Variants in PTPRM observed in about 807,000 individuals in gnomAD.
PTPRM encodes receptor-type tyrosine-protein phosphatase mu.
PTPRM carries 47 observed loss-of-function variants against 186.7 expected under a neutral mutation model. The observed-to-expected ratio is 0.25, with a 90% confidence interval of 0.20 to 0.32. PTPRM has a LOEUF of 0.32. PTPRM is among the 10% of genes least tolerant of loss of function. The pLI, the probability that PTPRM is intolerant of heterozygous loss-of-function variation, is 1.00. For missense variants in PTPRM, 1,494 were observed against 1,865.0 expected (o/e 0.80, Z 3.66); for synonymous variants, 668 against 674.9 (o/e 0.99, Z 0.16).
At chr18:8,388,842 T>G (rs1407725324) in intron 31 of PTPRM, among the ~76,000 whole-genome samples, 1 of 152,022 alleles carries the variant, frequency 6.6e-6, no homozygotes, top group Non-Finnish European at 1.5e-5. Flanking sequence ...GCACCTGTAG[T>G]CCCAGCTACT....
At chr18:8,065,347 C>T (rs1032338216) in intron 7 of PTPRM, among the ~76,000 whole-genome samples, 2 of 152,138 alleles carry the variant, frequency 1.3e-5, no homozygotes, top group Non-Finnish European at 2.9e-5. Flanking sequence ...TGGGCTTGCT[C>T]GTCCCTTAGG....
chr18:7,798,863 A>G (rs1207828447), intron 2 of PTPRM, among the ~76,000 whole-genome samples: 2 of 152,204 alleles, frequency 1.3e-5, no homozygotes, highest in Non-Finnish European at 2.9e-5. Flanking sequence ...ACACATAAAC[A>G]TATACCTATA....
At chr18:7,836,808 C>T (rs1005819330) in intron 2 of PTPRM, among the ~76,000 whole-genome samples, 1 of 152,150 alleles carries the variant, frequency 6.6e-6, no homozygotes, top group African/African-American at 2.4e-5. Context: ...TCAAATATGT[C>T]ATGCTACTTG....
At chr18:7,796,827 G>T (rs2043683798) in intron 2 of PTPRM, among the ~76,000 whole-genome samples, 1 of 152,218 alleles carries the variant, frequency 6.6e-6, no homozygotes, top group East Asian at 1.9e-4. Flanking sequence ...GTGGTGCACT[G>T]AGCCTGAGCA....
intron 1 of PTPRM, among the ~76,000 whole-genome samples, chr18:7,742,344 G>A (rs1054591713): frequency 1.3e-5 from 2 of 152,132 alleles, no homozygotes; most frequent in South Asian, 4.1e-4. Context: ...TTTCTTTTAT[G>A]GTGACTAGGC....
intron 3 of PTPRM, among the ~76,000 whole-genome samples, chr18:7,896,510 G>A (rs898317892): frequency 6.7e-6 from 1 of 148,196 alleles, no homozygotes; most frequent in African/African-American, 2.5e-5. Flanking sequence ...GCTTTAAAAA[G>A]AGAAACAATG....
chr18:7,737,480 G>A (rs1217975237), intron 1 of PTPRM, among the ~76,000 whole-genome samples: 1 of 152,218 alleles, frequency 6.6e-6, no homozygotes, highest in Non-Finnish European at 1.5e-5. Context: ...CCGTCTACCT[G>A]TTTGTTTTTC....
At chr18:7,853,272 GT>G (rs981581194) in intron 2 of PTPRM, among the ~76,000 whole-genome samples, 1 of 152,188 alleles carries the variant, frequency 6.6e-6, no homozygotes, top group African/African-American at 2.4e-5. Flanking sequence ...GGAGGTTGGT[GT>G]TTTCTGTTAT....
chr18:8,266,477 A>G (rs2094702360), intron 19 of PTPRM, among the ~76,000 whole-genome samples: 1 of 152,140 alleles, frequency 6.6e-6, no homozygotes, highest in African/African-American at 2.4e-5. Flanking sequence ...TGTCACATGT[A>G]TCATTCAGAA....
chr18:7,964,834 T>C (rs1490454701), intron 7 of PTPRM, among the ~76,000 whole-genome samples: 1 of 151,968 alleles, frequency 6.6e-6, no homozygotes, highest in Non-Finnish European at 1.5e-5. Flanking sequence ...CTCCTTAAGG[T>C]GTGGTCGGGA....
At chr18:7,742,698 G>A (rs1274606661) in intron 1 of PTPRM, among the ~76,000 whole-genome samples, 1 of 152,076 alleles carries the variant, frequency 6.6e-6, no homozygotes, top group East Asian at 1.9e-4. Context: ...AAATAAATAA[G>A]TATATAACTC....
At chr18:8,315,253 A>T (rs867521491) in intron 21 of PTPRM, among the ~76,000 whole-genome samples, 6 of 152,338 alleles carry the variant, frequency 3.9e-5, no homozygotes, top group Middle Eastern at 6.8e-3. Flanking sequence ...CACTTAAAAA[A>T]TTTGTTTGCA....
chr18:7,737,460 A>G (rs2040795776), intron 1 of PTPRM, among the ~76,000 whole-genome samples: 1 of 152,238 alleles, frequency 6.6e-6, no homozygotes, highest in Admixed American at 6.5e-5. Flanking sequence ...TGAAACCCGT[A>G]TGTAATCTTC....
chr18:7,991,333 T>A (rs75830015), intron 7 of PTPRM, among the ~76,000 whole-genome samples: 2 of 152,170 alleles, frequency 1.3e-5, no homozygotes, highest in Non-Finnish European at 2.9e-5. Context: ...TTACCAGTAA[T>A]GTCAATGGAA....
chr18:7,578,251 A>G (rs541393461), intron 1 of PTPRM, among the ~76,000 whole-genome samples: 22 of 151,460 alleles, frequency 1.5e-4, no homozygotes, highest in South Asian at 4.2e-4. Context: ...GCAGCCTTGA[A>G]CTCCTGGGCT....
At chr18:7,987,587 TG>T (rs1306637692) in intron 7 of PTPRM, among the ~76,000 whole-genome samples, 2 of 152,064 alleles carry the variant, frequency 1.3e-5, no homozygotes, top group Non-Finnish European at 2.9e-5. Context: ...GGATAAAGGA[TG>T]GGGAATGGGG....
chr18:7,656,765 T>G (rs1306171435), intron 1 of PTPRM, among the ~76,000 whole-genome samples: 1 of 152,156 alleles, frequency 6.6e-6, no homozygotes, highest in Non-Finnish European at 1.5e-5. Flanking sequence ...GTTCTCATTG[T>G]TTTCCCTATT....
At position 7,898,618 on chromosome 18, in the gene PTPRM, G is replaced by A. The variant is rs374600639; in HGVS notation, c.469-7887G>A. On this transcript the variant is annotated intron_variant, in intron 3 of 32. Transcript: ENST00000580170. ...TTAACCAGTTGTTTCCTCTCTGAAA[G>A]CAAATGGCTTTTCCCACAGTCTCCA... 2.0e-5 allele frequency among the ~76,000 whole-genome samples: 3 copies of A among 152,276 alleles called. No homozygotes were observed. The South Asian group carries it at 6.2e-4, about 32-fold the overall frequency.
At chr18:7,715,477 A>G (rs551944844) in intron 1 of PTPRM, among the ~76,000 whole-genome samples, 6 of 152,224 alleles carry the variant, frequency 3.9e-5, no homozygotes, top group Non-Finnish European at 7.3e-5. Flanking sequence ...CACCACTTCT[A>G]TTCAACATAA....
Sources: allele counts gnomAD v4.1 joint callset (sites outside exome capture counted in the v4.1 genomes callset), GRCh38; gene constraint gnomAD v4.1.1; transcripts MANE v1.5; gene names NCBI Gene and HGNC (gene_info 2026-07-23, HGNC 2026-07-21).